Variants in ZNF106 observed in about 807,000 individuals in gnomAD.
ZNF106 encodes the protein zinc finger protein 106, also known as SH3-domain binding protein 3.
In ZNF106, 67 loss-of-function variants were observed where a neutral mutation model predicts 195.1. The ratio of observed to expected loss-of-function variants is 0.34; its 90% CI spans 0.28 to 0.42. ZNF106 has a LOEUF of 0.42. Among genes scored for constraint, ZNF106 ranks in the 10% least tolerant of loss-of-function variants. The pLI is 1.00. For synonymous variants in ZNF106, 784 were observed against 818.6 expected (o/e 0.96, Z 0.72); for missense variants, 2,118 against 2,304.5 (o/e 0.92, Z 1.66).
intron 2 of ZNF106, among the ~76,000 whole-genome samples, chr15:42,471,486 T>C (rs897227100): frequency 2.0e-5 from 3 of 152,160 alleles, no homozygotes; most frequent in African/African-American, 2.4e-5. Flanking sequence ...TCCTAGCACT[T>C]TGACAGGCCC....
At chr15:42,471,791 A>G (rs1398303859) in intron 2 of ZNF106, among the ~76,000 whole-genome samples, 1 of 152,234 alleles carries the variant, frequency 6.6e-6, no homozygotes, top group African/African-American at 2.4e-5. Context: ...GATATTGTTA[A>G]TACCATTTCT....
Position 42,451,521 on chromosome 15 carries a change from T to C in ZNF106, c.751A>G (p.Ser251Gly), listed in dbSNP as rs763148296. Reference protein sequence around the residue: ...MNNSNGNWKSSVRSTNNWNYS... With the variant: ...MNNSNGNWKSGVRSTNNWNYS... ...TTCCAATTATTTGTACTACGTACAC[T>C]GGATTTCCAGTTTCCGTTACTGTTG... The change falls in exon 5 of 22, where the codon AGT becomes GGT. Residue 251 changes from serine (S) to glycine (G), a missense_variant. Transcript: ENST00000564754. 2.5e-6 allele frequency: 4 copies of C among 1,614,250 alleles called. No homozygotes were observed. The highest frequency in any genetic ancestry group is 3.4e-6 in the Non-Finnish European group (4 of 1,180,046).
In ZNF106 at chr15:42,416,560, G is replaced by A. The variant is rs1455330903; in HGVS notation, c.*744C>T. The A allele has an allele frequency of 6.6e-6, 1 of 152,276 alleles. No individual in the cohort carries two copies. The highest frequency in any genetic ancestry group is 1.5e-5 in the Non-Finnish European group (1 of 68,088). The allele number at this position is 152,276 out of a possible 1,614,324, so 9.4% of individuals were successfully genotyped here. The stretch of plus-strand genomic sequence containing the variant: ...CCCAGGTTCAACAGCAGATGTAAAG[G>A]TAGACGTTAGGTCTACGCACTGCCT... On this transcript the variant is annotated 3_prime_UTR_variant, in exon 22 of 22. Transcript: ENST00000564754.
At position 42,439,320 on chromosome 15, in the gene ZNF106, T is replaced by C; in HGVS notation, c.4257A>G (p.Val1419=). Residue 1419 remains valine (V), a synonymous_variant, in exon 11 of 22, where the codon GTA becomes GTG. Transcript: ENST00000564754. ...KAGKLIKGGK[V]TTSTWEDSRT... ...TGCTGTCTTCCCAAGTGGAGGTTGTTACTTTCCCCCCTTTAATTAACTTTC... is the reference window on the plus strand; with the variant it reads ...TGCTGTCTTCCCAAGTGGAGGTTGTCACTTTCCCCCCTTTAATTAACTTTC... The C allele has an allele frequency of 6.2e-7, 1 of 1,614,154 alleles. No homozygotes were observed. Among genetic ancestry groups the C allele is most frequent in the Middle Eastern group, 1.6e-4 (1 of 6,062 alleles).
intron 3 of ZNF106, among the ~76,000 whole-genome samples, chr15:42,464,701 G>A (rs2056474416): frequency 6.6e-6 from 1 of 151,492 alleles, no homozygotes; most frequent in South Asian, 2.1e-4. Context: ...TAATTTTGGG[G>A]GTTTTTTGTG....
chr15:42,449,917 A>G lies in ZNF106; in HGVS notation c.2355T>C (p.Gly785=). 6.2e-7 allele frequency: 1 copy of G among 1,614,112 alleles called. No homozygotes were observed. Among genetic ancestry groups the G allele is most frequent in the Non-Finnish European group, 8.5e-7 (1 of 1,180,026 alleles). The change falls in exon 5 of 22, where the codon GGT becomes GGC. Residue 785 remains glycine (G), a synonymous_variant. Transcript: ENST00000564754. The part of the protein sequence containing the change: ...NSARRIRNIS[G]HRKSETEKES... ...CCTTCTCTGTCTCACTCTTTCGGTGACCGCTAATATTGCGAATGCGGCGGG... is the reference window on the plus strand; with the variant it reads ...CCTTCTCTGTCTCACTCTTTCGGTGGCCGCTAATATTGCGAATGCGGCGGG...
intron 14 of ZNF106, among the ~76,000 whole-genome samples, chr15:42,434,534 C>T (rs557908489): frequency 5.3e-5 from 8 of 152,236 alleles, no homozygotes; most frequent in Middle Eastern, 3.4e-3. Context: ...CAGCTCCATT[C>T]CCTCCCCCTT....
chr15:42,427,877 A>G (rs1334853373), intron 15 of ZNF106, 141 bp downstream of exon 15: 1 of 648,058 alleles, frequency 1.5e-6, no homozygotes, highest in Admixed American at 2.2e-5. Flanking sequence ...ATCAGAAGAT[A>G]ACTGTGTTTG....
At chr15:42,487,273 G>GT (rs1384324421) in intron 1 of ZNF106, among the ~76,000 whole-genome samples, 1 of 151,966 alleles carries the variant, frequency 6.6e-6, no homozygotes, top group Non-Finnish European at 1.5e-5. Flanking sequence ...CTTGAGGCCA[G>GT]GAGTTCAACA....
At chr15:42,440,983 TAAAA>T (rs35854257) in intron 10 of ZNF106, among the ~76,000 whole-genome samples, 142 of 19,756 alleles carry the variant, frequency 7.2e-3, no homozygotes, top group African/African-American at 0.048. Context: ...AAACTCTGTC[TAAAA>T]AAAAAAAAAA....
chr15:42,434,768 C>G (rs187608177), intron 14 of ZNF106, among the ~76,000 whole-genome samples: 2 of 134,808 alleles, frequency 1.5e-5, no homozygotes, highest in Admixed American at 1.5e-4. Flanking sequence ...ACATTTTGCT[C>G]TTTTTTTTTT....
intron 15 of ZNF106, chr15:42,427,761 T>C: frequency 3.1e-6 from 1 of 319,530 alleles, no homozygotes; most frequent in Non-Finnish European, 6.1e-6. Flanking sequence ...CATGACTCAT[T>C]ATTTGGCCCC....
chr15:42,421,913 T>G lies in ZNF106; in HGVS notation c.5445+4A>C, dbSNP rs1218467759. 1 of 1,541,206 alleles carries G rather than the reference T, an allele frequency of 6.5e-7. No individual in the cohort carries two copies. The highest frequency in any genetic ancestry group is 8.8e-7 in the Non-Finnish European group (1 of 1,136,640). On this transcript the variant is annotated splice_donor_region_variant and intron_variant, in intron 19 of 21. Transcript: ENST00000564754. ...AAATATCTTACATGACAAATAACAC[T>G]CACCATGCTTTTATGGATGGTCATA...
Position 42,449,940 on chromosome 15 carries a change from G to A in ZNF106, c.2332C>T (p.Arg778Cys), listed in dbSNP as rs1300074273. 4.3e-6 allele frequency: 7 copies of A among 1,614,070 alleles called. No homozygotes were observed. The highest frequency in any genetic ancestry group is 5.1e-6 in the Non-Finnish European group (6 of 1,180,018). Residue 778 changes from arginine (R) to cysteine (C), a missense_variant, in exon 5 of 22, where the codon CGC becomes TGC. Arg to Cys is a radical substitution (Grantham distance 180). Transcript: ENST00000564754. ...HLPEPNLNSA[R>C]RIRNISGHRK... ...TGACCGCTAATATTGCGAATGCGGC[G>A]GGCACTATTGAGGTTTGGCTCAGGA...
intron 2 of ZNF106, among the ~76,000 whole-genome samples, chr15:42,468,924 C>G (rs754464384): frequency 6.6e-6 from 1 of 151,878 alleles, no homozygotes; most frequent in Non-Finnish European, 1.5e-5. Flanking sequence ...CGGTGGCTCA[C>G]GCCTATAATC....
At chr15:42,423,740 C>G (rs997202750) in intron 17 of ZNF106, among the ~76,000 whole-genome samples, 1 of 152,158 alleles carries the variant, frequency 6.6e-6, no homozygotes, top group African/African-American at 2.4e-5. Context: ...GAAGCCTCAG[C>G]TGCTCAGTTT....
At chr15:42,442,614 C>CTTTT (rs1209709879) in intron 9 of ZNF106, among the ~76,000 whole-genome samples, 200 bp from the exon 10 acceptor site, 4 of 123,610 alleles carry the variant, frequency 3.2e-5, no homozygotes, top group Non-Finnish European at 5.2e-5. Context: ...CATCAACATT[C>CTTTT]TTTTTTTTTT....
At chr15:42,434,330 A>G (rs2055186389) in intron 14 of ZNF106, among the ~76,000 whole-genome samples, 1 of 152,198 alleles carries the variant, frequency 6.6e-6, no homozygotes. Flanking sequence ...CTTAAAAAAC[A>G]AAAAACAAAC....
At chr15:42,481,623 T>C (rs1478634060) in intron 1 of ZNF106, among the ~76,000 whole-genome samples, 1 of 152,100 alleles carries the variant, frequency 6.6e-6, no homozygotes, top group Non-Finnish European at 1.5e-5. Flanking sequence ...CCTCCCAAAG[T>C]GTTGGGATTA....
Sources: gnomAD v4.1 joint callset for allele counts (sites outside exome capture counted in the v4.1 genomes callset) on GRCh38, gnomAD v4.1.1 for gene constraint, MANE v1.5 for transcripts, NCBI Gene and HGNC (gene_info 2026-07-23, HGNC 2026-07-21) for gene names.